PABPC4L: variants seen among roughly 807,000 people sequenced by gnomAD.
The protein encoded by PABPC4L is polyadenylate-binding protein 4-like.
For synonymous variants in PABPC4L, 169 were observed against 164.1 expected (o/e 1.03, Z -0.23); for missense variants, 452 against 451.4 (o/e 1.00, Z -0.01).
the PABPC4L span, among the ~76,000 whole-genome samples, chr4:134,024,063 TA>T: frequency 3.3e-5 from 5 of 152,204 alleles, no homozygotes; most frequent in African/African-American, 1.2e-4. Flanking sequence ...AGTTCTTGCA[TA>T]CTACGTACAG....
chr4:134,013,871 C>T, the PABPC4L span, among the ~76,000 whole-genome samples: 7 of 151,916 alleles, frequency 4.6e-5, no homozygotes, highest in Admixed American at 1.3e-4. Context: ...GGCTCCACTC[C>T]TCCACCCTAT....
At chr4:133,957,185 C>T in the PABPC4L span, among the ~76,000 whole-genome samples, 1 of 152,116 alleles carries the variant, frequency 6.6e-6, no homozygotes, top group African/African-American at 2.4e-5. Flanking sequence ...TCTGTAAAAT[C>T]AAAAGCGAGG....
At chr4:133,976,419 C>T in the PABPC4L span, among the ~76,000 whole-genome samples, 3 of 151,996 alleles carry the variant, frequency 2.0e-5, no homozygotes, top group Admixed American at 6.6e-5. Flanking sequence ...TGAACATATG[C>T]GTGTACATAT....
chr4:134,111,357 G>GA, the PABPC4L span, among the ~76,000 whole-genome samples: 1 of 151,614 alleles, frequency 6.6e-6, no homozygotes, highest in Non-Finnish European at 1.5e-5. Context: ...TTTTGGAGAG[G>GA]AAAAAAACAT....
At chr4:134,006,139 T>A in the PABPC4L span, among the ~76,000 whole-genome samples, 2 of 151,846 alleles carry the variant, frequency 1.3e-5, no homozygotes, top group East Asian at 3.9e-4. Context: ...CATGAAAGTG[T>A]TTTACAGTTG....
chr4:134,074,305 G>C, the PABPC4L span, among the ~76,000 whole-genome samples: 1 of 152,068 alleles, frequency 6.6e-6, no homozygotes, highest in African/African-American at 2.4e-5. Context: ...CTTTACTCTA[G>C]TGCCTAACAA....
the PABPC4L span, among the ~76,000 whole-genome samples, chr4:134,044,890 A>T: frequency 6.6e-6 from 1 of 152,118 alleles, no homozygotes; most frequent in African/African-American, 2.4e-5. Context: ...TTTTGTTTTA[A>T]CCTAAAGAAC....
At chr4:133,974,472 A>G in the PABPC4L span, among the ~76,000 whole-genome samples, 1 of 152,134 alleles carries the variant, frequency 6.6e-6, no homozygotes, top group African/African-American at 2.4e-5. Context: ...TGTTTTTTAA[A>G]TGAAATATCA....
At chr4:134,015,352 A>C in the PABPC4L span, among the ~76,000 whole-genome samples, 5 of 152,066 alleles carry the variant, frequency 3.3e-5, no homozygotes, top group Admixed American at 1.3e-4. Flanking sequence ...CCATGGTGCC[A>C]AACCCATATA....
the PABPC4L span, among the ~76,000 whole-genome samples, chr4:134,077,203 T>C: frequency 2.6e-5 from 4 of 152,202 alleles, no homozygotes; most frequent in Admixed American, 2.6e-4. Context: ...TGTTCCATCT[T>C]GAAAACTTCT....
the PABPC4L span, among the ~76,000 whole-genome samples, chr4:134,172,326 C>T: frequency 5.3e-5 from 8 of 152,028 alleles, no homozygotes; most frequent in Non-Finnish European, 8.8e-5. Context: ...GACATATAGA[C>T]TACTAAAACA....
the PABPC4L span, among the ~76,000 whole-genome samples, chr4:134,011,314 A>AT: frequency 6.6e-6 from 1 of 152,100 alleles, no homozygotes; most frequent in Non-Finnish European, 1.5e-5. Flanking sequence ...TTAACATTAC[A>AT]TTACAAGTTT....
chr4:133,964,449 CA>C, the PABPC4L span, among the ~76,000 whole-genome samples: 1 of 151,860 alleles, frequency 6.6e-6, no homozygotes, highest in Non-Finnish European at 1.5e-5. Flanking sequence ...TAAAAGGAAA[CA>C]TTTCCTAATT....
chr4:134,047,688 G>C, the PABPC4L span, among the ~76,000 whole-genome samples: 1 of 152,016 alleles, frequency 6.6e-6, no homozygotes, highest in Non-Finnish European at 1.5e-5. Flanking sequence ...GGTCTACAAA[G>C]GACTCCACAG....
the PABPC4L span, among the ~76,000 whole-genome samples, chr4:133,952,099 C>T: frequency 6.6e-6 from 1 of 152,128 alleles, no homozygotes; most frequent in Non-Finnish European, 1.5e-5. Context: ...ATACCACGGC[C>T]CTTCTTTCCC....
the PABPC4L span, among the ~76,000 whole-genome samples, chr4:133,955,891 G>A: frequency 9.8e-3 from 1,492 of 152,146 alleles, 20 homozygotes; most frequent in African/African-American, 0.034. Context: ...AAATAAACCT[G>A]TTGTCTCTAT....
chr4:134,103,276 A>T, the PABPC4L span, among the ~76,000 whole-genome samples: 1 of 151,652 alleles, frequency 6.6e-6, no homozygotes, highest in Non-Finnish European at 1.5e-5. Flanking sequence ...GTTTTTCCCA[A>T]AATATTTTTT....
the PABPC4L span, among the ~76,000 whole-genome samples, chr4:133,982,721 G>A: frequency 6.6e-6 from 1 of 151,880 alleles, no homozygotes; most frequent in Admixed American, 6.6e-5. Flanking sequence ...AGTCATGGTT[G>A]CATTCCATGC....
At chr4:134,185,315 A>G in the PABPC4L span, among the ~76,000 whole-genome samples, 2 of 152,142 alleles carry the variant, frequency 1.3e-5, no homozygotes, top group African/African-American at 4.8e-5. Context: ...CGGATCCAGC[A>G]GCACATCAAA....
Sources: gnomAD v4.1 joint callset for allele counts (sites outside exome capture counted in the v4.1 genomes callset) on GRCh38, gnomAD v4.1.1 for gene constraint, MANE v1.5 for transcripts, NCBI Gene and HGNC (gene_info 2026-07-23, HGNC 2026-07-21) for gene names.